Variants in ZNF521 observed in about 807,000 individuals in gnomAD.
ZNF521 encodes LYST-interacting protein 3.
Under a neutral mutation model 105.5 loss-of-function variants are expected in ZNF521, and 14 were observed. The observed-to-expected ratio is 0.13, with a 90% CI of 0.09 to 0.21. The LOEUF (loss-of-function observed/expected upper bound fraction) is 0.21, where lower values mean the gene tolerates loss of function less well. Among genes scored for constraint, ZNF521 ranks in the 10% least tolerant of loss-of-function variants. ZNF521 has a pLI of 1.00. For missense variants in ZNF521, 1,233 were observed against 1,629.7 expected, an observed-to-expected ratio of 0.76 and a Z score of 4.19; for synonymous variants, 635 against 606.0, an observed-to-expected ratio of 1.05 and a Z score of -0.70.
intron 3 of ZNF521, among the ~76,000 whole-genome samples, chr18:25,248,178 G>C (rs1907860152): frequency 6.6e-6 from 1 of 152,140 alleles, no homozygotes; most frequent in African/African-American, 2.4e-5. Flanking sequence ...AAGGTTAAAA[G>C]AAGACTCTAT....
In ZNF521 at chr18:25,225,433, G is replaced by T; in HGVS notation, c.2485C>A (p.Arg829=). The T allele has an allele frequency of 1.2e-6, 2 of 1,614,130 alleles. No individual in the cohort carries two copies. Among genetic ancestry groups the T allele is most frequent in the Non-Finnish European group, 8.5e-7 (1 of 1,180,022 alleles). Residue 829 remains arginine, a synonymous_variant, in exon 4 of 8, where the codon CGA becomes AGA. Transcript: ENST00000361524. This position sits in a 1 kb window ranked among gnomAD's most constrained non-coding sequence, Gnocchi z 5.6. Reference sequence around the variant, plus strand: ...GTTTCGAATACACAGTGTTTTTCTCGCAAGTGTTTTTCTAACAAAATGATC... The same window carrying T: ...GTTTCGAATACACAGTGTTTTTCTCTCAAGTGTTTTTCTAACAAAATGATC... The part of the protein sequence containing the change: ...HAIILLEKHL[R]EKHCVFETKT...
intron 7 of ZNF521, among the ~76,000 whole-genome samples, chr18:25,077,966 T>C (rs1233176911): frequency 6.6e-6 from 1 of 152,232 alleles, no homozygotes; most frequent in Non-Finnish European, 1.5e-5. Flanking sequence ...ACTCTGCTCT[T>C]CTTCTGACAG....
intron 3 of ZNF521, among the ~76,000 whole-genome samples, chr18:25,238,462 G>T (rs945809350): frequency 2.6e-5 from 4 of 152,198 alleles, no homozygotes; most frequent in African/African-American, 7.2e-5. Flanking sequence ...TTAACAGTGG[G>T]TCTGTTTGCC....
intron 2 of ZNF521, among the ~76,000 whole-genome samples, chr18:25,338,134 A>C (rs368413004): frequency 6.6e-6 from 1 of 152,124 alleles, no homozygotes; most frequent in Admixed American, 6.6e-5. Flanking sequence ...ACAGATATTT[A>C]AGGAACAGTT....
At chr18:25,204,926 G>A (rs78075966) in intron 4 of ZNF521, among the ~76,000 whole-genome samples, 2 of 152,004 alleles carry the variant, frequency 1.3e-5, no homozygotes, top group Admixed American at 1.3e-4. Context: ...CTCCCATAGT[G>A]TTTTCCACAG....
chr18:25,125,603 T>C (rs1438575413), intron 5 of ZNF521, among the ~76,000 whole-genome samples: 1 of 151,924 alleles, frequency 6.6e-6, no homozygotes, highest in Non-Finnish European at 1.5e-5. Flanking sequence ...TCTTTGACTA[T>C]GTGGCATCCA....
chr18:25,069,374 T>C (rs1157498066), intron 7 of ZNF521, among the ~76,000 whole-genome samples: 1 of 152,214 alleles, frequency 6.6e-6, no homozygotes, highest in Non-Finnish European at 1.5e-5. Flanking sequence ...ATGTGAATGT[T>C]AATAAATTAA....
At chr18:25,261,861 A>G (rs935320353) in intron 3 of ZNF521, among the ~76,000 whole-genome samples, 8 of 152,084 alleles carry the variant, frequency 5.3e-5, no homozygotes, top group African/African-American at 1.9e-4. Flanking sequence ...GTAACTTATT[A>G]CCCACCCCCT....
chr18:25,208,256 A>T (rs951766124), intron 4 of ZNF521, among the ~76,000 whole-genome samples: 3 of 152,248 alleles, frequency 2.0e-5, no homozygotes, highest in Admixed American at 1.3e-4. Context: ...ACATGAAGCA[A>T]CAACTATGTT....
intron 5 of ZNF521, among the ~76,000 whole-genome samples, chr18:25,095,705 A>G (rs1246811532): frequency 6.6e-6 from 1 of 152,192 alleles, no homozygotes; most frequent in African/African-American, 2.4e-5. Context: ...ATAGGAAATG[A>G]GCAATATTAT....
intron 4 of ZNF521, among the ~76,000 whole-genome samples, chr18:25,211,391 T>TA: frequency 6.6e-6 from 1 of 152,316 alleles, no homozygotes; most frequent in East Asian, 1.9e-4. Flanking sequence ...AGTTAACTGT[T>TA]AAACACCTGT....
At chr18:25,113,222 C>T (rs2034231120) in intron 5 of ZNF521, among the ~76,000 whole-genome samples, 1 of 152,100 alleles carries the variant, frequency 6.6e-6, no homozygotes, top group East Asian at 1.9e-4. Context: ...CCCAAGTTTT[C>T]CTCAGGCTGT....
At chr18:25,261,869 C>T (rs1369997340) in intron 3 of ZNF521, among the ~76,000 whole-genome samples, 5 of 152,112 alleles carry the variant, frequency 3.3e-5, no homozygotes, top group South Asian at 4.1e-4. Flanking sequence ...TTACCCACCC[C>T]CTGCTGTGCG....
chr18:25,296,613 T>C (rs373324972), intron 3 of ZNF521, among the ~76,000 whole-genome samples: 4 of 152,174 alleles, frequency 2.6e-5, no homozygotes, highest in East Asian at 1.9e-4. Flanking sequence ...GTTTTGGCCT[T>C]CTCAGGTCAC....
chr18:25,326,073 C>T (rs973910322), intron 2 of ZNF521, among the ~76,000 whole-genome samples: 2 of 152,122 alleles, frequency 1.3e-5, no homozygotes, highest in Admixed American at 6.5e-5. Context: ...GGCCAACCAG[C>T]AGAAATTCTA....
At chr18:25,300,446 T>C (rs1911572339) in intron 3 of ZNF521, among the ~76,000 whole-genome samples, 1 of 152,226 alleles carries the variant, frequency 6.6e-6, no homozygotes, top group South Asian at 2.1e-4. Flanking sequence ...GAAATGGTTA[T>C]TTAGAAAATA....
chr18:25,245,495 T>C (rs1907643218), intron 3 of ZNF521, among the ~76,000 whole-genome samples: 1 of 152,196 alleles, frequency 6.6e-6, no homozygotes. Flanking sequence ...AGGTGGATGA[T>C]GCAAGACAGG....
At chr18:25,255,032 C>CA (rs374297316) in intron 3 of ZNF521, among the ~76,000 whole-genome samples, 3 of 152,030 alleles carry the variant, frequency 2.0e-5, no homozygotes, top group African/African-American at 7.2e-5. Context: ...TAATGTATTC[C>CA]AAAGCATGTG....
chr18:25,154,734 C>T (rs1182396631), intron 5 of ZNF521, among the ~76,000 whole-genome samples: 1 of 152,088 alleles, frequency 6.6e-6, no homozygotes, highest in African/African-American at 2.4e-5. Context: ...GTGAGCTGAA[C>T]AAGACCTTAG....
Sources: gnomAD v4.1 joint callset for allele counts (sites outside exome capture counted in the v4.1 genomes callset) on GRCh38, gnomAD v4.1.1 for gene constraint, Gnocchi (gnomAD v3.1) non-coding constraint, MANE v1.5 for transcripts, NCBI Gene and HGNC (gene_info 2026-07-23, HGNC 2026-07-21) for gene names.